Variants in TACR3 observed in about 807,000 individuals in gnomAD.
TACR3 encodes the protein neuromedin-K receptor.
In TACR3, 34 loss-of-function variants were observed where a neutral mutation model predicts 35.0. That is an observed-to-expected ratio of 0.97 (90% CI 0.74 to 1.30). The LOEUF is 1.30. TACR3 is among the 50% of genes most tolerant of loss of function. TACR3 has a pLI of 0.00. For missense variants in TACR3, 558 were observed against 591.7 expected (o/e 0.94, Z 0.59); for synonymous variants, 233 against 221.1 (o/e 1.05, Z -0.48).
intron 2 of TACR3, 151 bp from the exon 3 acceptor site, chr4:103,656,495 C>A (rs1273688606): frequency 1.3e-6 from 1 of 749,290 alleles, no homozygotes. Flanking sequence ...ATCAAAATAT[C>A]ATGCTATTGT....
chr4:103,654,411 A>G (rs1336940650), intron 3 of TACR3, among the ~76,000 whole-genome samples: 2 of 114,460 alleles, frequency 1.7e-5, no homozygotes, highest in African/African-American at 1.2e-4. Context: ...CATGGATGAA[A>G]CTGGAAACAT....
chr4:103,589,964 G>A lies in TACR3; in HGVS notation c.1116C>T (p.Arg372=). The part of the protein sequence containing the change: ...RFRAGFKRAF[R]WCPFIKVSSY... ...TGGAAACTTTGATGAAAGGACACCA[G>A]CGAAATGCTCTCTTGAAGCCAGCTC... The change falls in exon 5 of 5, where the codon CGC becomes CGT. Residue 372 remains arginine, a synonymous_variant. Transcript: ENST00000304883. The A allele has an allele frequency of 6.2e-7, 1 of 1,613,816 alleles. No homozygotes were observed. The highest frequency in any genetic ancestry group is 8.5e-7 in the Non-Finnish European group (1 of 1,179,818).
At chr4:103,713,388 C>T (rs1299855388) in intron 1 of TACR3, among the ~76,000 whole-genome samples, 12 of 146,058 alleles carry the variant, frequency 8.2e-5, no homozygotes, top group South Asian at 2.1e-4. Flanking sequence ...AACCAAACAG[C>T]GCATGTTCTC....
At chr4:103,667,538 T>C (rs1725960205) in intron 1 of TACR3, among the ~76,000 whole-genome samples, 1 of 152,120 alleles carries the variant, frequency 6.6e-6, no homozygotes, top group Admixed American at 6.6e-5. Flanking sequence ...TGATGGATAC[T>C]CCAATAACTC....
At chr4:103,634,782 C>A (rs892766342) in intron 3 of TACR3, among the ~76,000 whole-genome samples, 1 of 152,072 alleles carries the variant, frequency 6.6e-6, no homozygotes, top group African/African-American at 2.4e-5. Context: ...GTATCCATAG[C>A]TAATAGAGTT....
chr4:103,627,459 G>A (rs1208498327), intron 3 of TACR3, among the ~76,000 whole-genome samples: 6 of 151,534 alleles, frequency 4.0e-5, no homozygotes, highest in Non-Finnish European at 7.4e-5. Flanking sequence ...GGGCGGCAGA[G>A]GTAGCAGTGA....
At chr4:103,603,158 A>C (rs1207544291) in intron 3 of TACR3, among the ~76,000 whole-genome samples, 1 of 152,184 alleles carries the variant, frequency 6.6e-6, no homozygotes, top group Non-Finnish European at 1.5e-5. Context: ...CTGTGCTAGC[A>C]ATGAGCAAGA....
rs941376767 is a variant in TACR3, at chr4:103,588,323, C to G, written c.*1359G>C. ...ACACATTCACATTCTCAAAAAGTTT[C>G]TGCTTTCTTGAGCAGGATTAACAGT... On this transcript the variant is annotated 3_prime_UTR_variant, in exon 5 of 5. Coordinates refer to ENST00000304883, the MANE Select transcript of TACR3 (RefSeq NM_001059.3). 2 of 152,068 alleles carry G rather than the reference C, an allele frequency of 1.3e-5. No individual in the cohort carries two copies. Among genetic ancestry groups the G allele is most frequent in the Non-Finnish European group, 2.9e-5 (2 of 67,974 alleles). 9.4% of individuals were successfully genotyped at this position (152,068 alleles called of 1,614,324 possible).
chr4:103,696,652 C>G (rs1054943818), intron 1 of TACR3, among the ~76,000 whole-genome samples: 1 of 152,014 alleles, frequency 6.6e-6, no homozygotes, highest in African/African-American at 2.4e-5. Flanking sequence ...TTTGCTGATG[C>G]CACTTTCCTC....
At chr4:103,704,105 C>CAAAAAAAAAAAAA (rs59034473) in intron 1 of TACR3, among the ~76,000 whole-genome samples, 85 of 64,622 alleles carry the variant, frequency 1.3e-3, no homozygotes, top group South Asian at 2.8e-3. Context: ...CTCTATCTCA[C>CAAAAAAAAAAAAA]AAAAAAAAAA....
chr4:103,698,730 A>G (rs899309038), intron 1 of TACR3, among the ~76,000 whole-genome samples: 1 of 152,084 alleles, frequency 6.6e-6, no homozygotes. Context: ...GATGAATAAC[A>G]TAACAGTGTG....
At chr4:103,700,836 G>A (rs1360072222) in intron 1 of TACR3, among the ~76,000 whole-genome samples, 1 of 152,160 alleles carries the variant, frequency 6.6e-6, no homozygotes, top group Non-Finnish European at 1.5e-5. Context: ...AAAGGCCTTT[G>A]ACAAAATTCA....
chr4:103,634,030 G>T (rs1401518204), intron 3 of TACR3, among the ~76,000 whole-genome samples: 3 of 152,054 alleles, frequency 2.0e-5, no homozygotes, highest in Non-Finnish European at 4.4e-5. Context: ...ATTACACATG[G>T]TTATAAATAC....
intron 1 of TACR3, among the ~76,000 whole-genome samples, chr4:103,695,068 T>C (rs1722492059): frequency 6.6e-6 from 1 of 152,198 alleles, no homozygotes; most frequent in Non-Finnish European, 1.5e-5. Flanking sequence ...TAGCTTATAA[T>C]CAGAAAACTT....
At chr4:103,611,935 T>C (rs890570290) in intron 3 of TACR3, among the ~76,000 whole-genome samples, 2 of 152,218 alleles carry the variant, frequency 1.3e-5, no homozygotes, top group African/African-American at 4.8e-5. Flanking sequence ...TTTAATATCT[T>C]GTCATCTCTA....
At chr4:103,641,862 A>G (rs1725363093) in intron 3 of TACR3, among the ~76,000 whole-genome samples, 1 of 151,966 alleles carries the variant, frequency 6.6e-6, no homozygotes. Context: ...GCTAAGTTAT[A>G]TAAGCCAGGC....
intron 1 of TACR3, among the ~76,000 whole-genome samples, chr4:103,718,586 A>G (rs1245991349): frequency 6.6e-6 from 1 of 152,160 alleles, no homozygotes; most frequent in African/African-American, 2.4e-5. Context: ...GGTCTTTGCT[A>G]GTTCTTGGTG....
intron 3 of TACR3, among the ~76,000 whole-genome samples, chr4:103,601,449 G>T (rs188192348): frequency 0.015 from 2,213 of 152,174 alleles, 49 homozygotes; most frequent in African/African-American, 0.051. Context: ...TGGTTATTTT[G>T]CTCGATATTT....
At chr4:103,611,030 T>C (rs1413858321) in intron 3 of TACR3, among the ~76,000 whole-genome samples, 1 of 152,136 alleles carries the variant, frequency 6.6e-6, no homozygotes, top group Non-Finnish European at 1.5e-5. Context: ...TTTTTGTTTT[T>C]AGTATATTTT....
Sources: gnomAD v4.1 joint callset for allele counts (sites outside exome capture counted in the v4.1 genomes callset) on GRCh38, gnomAD v4.1.1 for gene constraint, MANE v1.5 for transcripts, NCBI Gene and HGNC (gene_info 2026-07-23, HGNC 2026-07-21) for gene names.